Variants in PDZD9 observed in about 807,000 individuals in gnomAD.
PDZD9 encodes PDZ domain-containing protein 9.
PDZD9 carries 13 observed loss-of-function variants against 16.3 expected under a neutral mutation model. The ratio of observed to expected loss-of-function variants is 0.80; its 90% CI spans 0.52 to 1.27. PDZD9 has a LOEUF of 1.27. Ranked by LOEUF, PDZD9 falls within the 50% of genes most tolerant of loss-of-function variation. The probability of loss-of-function intolerance (pLI) is 0.00; values close to 1 mark genes in which losing one functional copy is unlikely to be tolerated. For missense variants in PDZD9, 288 were observed against 310.9 expected, an observed-to-expected ratio of 0.93 and a Z score of 0.55; for synonymous variants, 120 against 111.0, an observed-to-expected ratio of 1.08 and a Z score of -0.51.
At chr16:21,988,975 C>A (rs1274446689) in intron 2 of PDZD9, among the ~76,000 whole-genome samples, 184 bp from the exon 3 acceptor site, 1 of 144,126 alleles carries the variant, frequency 6.9e-6, no homozygotes, top group Non-Finnish European at 1.5e-5. Context: ...GTCACCCATG[C>A]TGGAGTGCAG....
At chr16:21,958,525 C>G in the PDZD9 span, 6 of 1,611,638 alleles carry the variant, frequency 3.7e-6, no homozygotes, top group Admixed American at 1.0e-4. Flanking sequence ...ATCATTCTTT[C>G]TTTTTCAAGA....
chr16:21,964,650 A>G, the PDZD9 span, among the ~76,000 whole-genome samples: 2 of 152,284 alleles, frequency 1.3e-5, no homozygotes, highest in East Asian at 3.9e-4. Context: ...ATTCTGTAAG[A>G]TGGATCCCAC....
the PDZD9 span, chr16:21,973,856 T>C: frequency 6.3e-7 from 1 of 1,586,942 alleles, no homozygotes; most frequent in Non-Finnish European, 8.6e-7. Context: ...CCTGTTTTAC[T>C]TGGTAGAATA....
the PDZD9 span, chr16:21,962,721 C>T: frequency 1.9e-6 from 3 of 1,612,668 alleles, no homozygotes; most frequent in South Asian, 1.1e-5. Flanking sequence ...GTTGGCTTTA[C>T]ATTTTTGACT....
intron 2 of PDZD9, among the ~76,000 whole-genome samples, chr16:21,991,119 G>A (rs772115390): frequency 6.6e-5 from 10 of 152,050 alleles, no homozygotes; most frequent in South Asian, 4.2e-4. Context: ...TGTCTGTGCC[G>A]TTCACCACTA....
At chr16:21,963,236 A>T in the PDZD9 span, 1 of 167,300 alleles carries the variant, frequency 6.0e-6, no homozygotes, top group East Asian at 1.6e-4. Flanking sequence ...GCCTCAAGTG[A>T]TCCACCCACC....
the PDZD9 span, chr16:21,972,270 C>A: frequency 9.8e-7 from 1 of 1,017,336 alleles, no homozygotes; most frequent in Non-Finnish European, 1.4e-6. Flanking sequence ...ATTTTAGTAT[C>A]TTTGAAGGCC....
chr16:22,000,995 C>T, intron 1 of PDZD9, 22 bp downstream of exon 1: 2 of 1,532,986 alleles, frequency 1.3e-6, no homozygotes, highest in Non-Finnish European at 1.7e-6. Context: ...GCTTCTTCAC[C>T]CGCTTCCTTC....
At chr16:21,976,767 T>A in the PDZD9 span, 1 of 152,206 alleles carries the variant, frequency 6.6e-6, no homozygotes, top group Non-Finnish European at 1.5e-5. Context: ...TTATCTTATT[T>A]AAATAGCATC....
chr16:21,970,660 A>G, the PDZD9 span, among the ~76,000 whole-genome samples: 1 of 152,148 alleles, frequency 6.6e-6, no homozygotes, highest in Non-Finnish European at 1.5e-5. Context: ...ATCTCAGCTC[A>G]CTGCAACCTC....
chr16:22,000,081 C>T (rs1042422253), intron 1 of PDZD9, among the ~76,000 whole-genome samples: 4 of 151,986 alleles, frequency 2.6e-5, no homozygotes, highest in African/African-American at 7.2e-5. Context: ...TGGTGCATGC[C>T]TACAGTCCCA....
rs535744834 is a variant in PDZD9, at chr16:21,991,305, A to G, written c.212-2514T>C. Among the ~76,000 whole-genome samples, 246 of 151,778 alleles carry G rather than the reference A, an allele frequency of 1.6e-3. 4 individuals are homozygous for G. The South Asian group carries it at 0.022, about 14-fold the overall frequency. On this transcript the variant is annotated intron_variant, in intron 2 of 3. Coordinates refer to ENST00000424898, the MANE Select transcript of PDZD9 (RefSeq NM_001363519.1). ...GGCTGGAATGCAGGGATACAAATAC[A>G]GCTCACTGCAGCCTCGACCTCCAGG...
the PDZD9 span, chr16:21,971,942 T>C: frequency 1.2e-6 from 2 of 1,614,152 alleles, no homozygotes; most frequent in African/African-American, 1.3e-5. Context: ...GAGAACAGAA[T>C]GGAGACAGTC....
At chr16:21,991,481 C>T (rs576505836) in intron 2 of PDZD9, among the ~76,000 whole-genome samples, 3 of 152,194 alleles carry the variant, frequency 2.0e-5, no homozygotes, top group South Asian at 2.1e-4. Flanking sequence ...TCAATTTGCC[C>T]GCCTCAGCTT....
the PDZD9 span, chr16:21,962,794 C>T: frequency 6.2e-7 from 1 of 1,613,986 alleles, no homozygotes. Flanking sequence ...TCAATGTCAC[C>T]ACAGCACCAG....
At chr16:21,958,384 T>A in the PDZD9 span, 2 of 704,986 alleles carry the variant, frequency 2.8e-6, no homozygotes, top group Admixed American at 6.2e-5. Flanking sequence ...AGCTTTTTGT[T>A]GAGCCTTGTT....
At chr16:21,978,526 TTTC>T in the PDZD9 span, among the ~76,000 whole-genome samples, 1 of 152,160 alleles carries the variant, frequency 6.6e-6, no homozygotes, top group Admixed American at 6.5e-5. Flanking sequence ...CCACCTGCCT[TTTC>T]CATCATACCC....
In PDZD9 at chr16:21,984,149, TAAGAG is replaced by T. The variant is rs1394086880; in HGVS notation, c.*113_*117del. ...CTCTAAAGGCTTTATAACGCAGTCA[TAAGAG>T]AAGAGAATTGGTGAGTCTACAGACA... On this transcript the variant is annotated 3_prime_UTR_variant, in exon 4 of 4. Coordinates refer to ENST00000424898, the MANE Select transcript of PDZD9 (RefSeq NM_001363519.1). 5.2e-6 allele frequency: 6 copies of T among 1,144,268 alleles called. No individual in the cohort carries two copies. In the South Asian group the frequency reaches 7.1e-5, roughly 14 times the overall value. 70.9% of individuals were successfully genotyped at this position (1,144,268 alleles called of 1,614,324 possible). A position where few individuals can be genotyped will look rare whatever the true frequency, so the allele number is the denominator to read the frequency against.
chr16:21,968,962 T>A, the PDZD9 span, among the ~76,000 whole-genome samples: 1 of 152,192 alleles, frequency 6.6e-6, no homozygotes, highest in Non-Finnish European at 1.5e-5. Flanking sequence ...TTTTACAAAC[T>A]TTTTTAAAAG....
Sources: allele counts gnomAD v4.1 joint callset (sites outside exome capture counted in the v4.1 genomes callset), GRCh38; gene constraint gnomAD v4.1.1; transcripts MANE v1.5; gene names NCBI Gene and HGNC (gene_info 2026-07-23, HGNC 2026-07-21).